The following ALPK1 variants were observed in gnomAD, a reference collection of about 807,000 sequenced individuals.
ALPK1 encodes alpha kinase 1.
ALPK1 carries 110 observed loss-of-function variants against 120.6 expected under a neutral mutation model. That is an observed-to-expected ratio of 0.91 (90% CI 0.78 to 1.07). The LOEUF is 1.07. ALPK1 is among the 50% of genes least tolerant of loss of function. The pLI is 0.00. For synonymous variants in ALPK1, 582 were observed against 560.3 expected (o/e 1.04, Z -0.55); for missense variants, 1,498 against 1,483.9 (o/e 1.01, Z -0.16).
intron 2 of ALPK1, chr4:112,352,950 T>C (rs1730428277): frequency 6.7e-6 from 1 of 149,658 alleles, no homozygotes; most frequent in Admixed American, 6.8e-5. Context: ...TCTCTTTTTC[T>C]TCTTCCTTTC....
chr4:112,319,978 G>A (rs183062244), intron 2 of ALPK1, among the ~76,000 whole-genome samples: 1 of 152,256 alleles, frequency 6.6e-6, no homozygotes, highest in Admixed American at 6.5e-5. Flanking sequence ...ATACAATCAT[G>A]TCATCAGCAA....
At chr4:112,414,425 GAT>G in intron 5 of ALPK1, 2 of 406,322 alleles carry the variant, frequency 4.9e-6, no homozygotes, top group Non-Finnish European at 1.0e-5. Context: ...TGGACAACAT[GAT>G]GAAACCCCAT....
intron 1 of ALPK1, among the ~76,000 whole-genome samples, chr4:112,301,440 C>A (rs559072328): frequency 1.3e-5 from 2 of 152,128 alleles, no homozygotes; most frequent in Admixed American, 6.6e-5. Context: ...CTGTTAGAAG[C>A]GCCCTTACTG....
chr4:112,321,773 A>T (rs1408577195), intron 2 of ALPK1, among the ~76,000 whole-genome samples: 1 of 152,238 alleles, frequency 6.6e-6, no homozygotes, highest in African/African-American at 2.4e-5. Context: ...TGAAATTCAA[A>T]TACGAGTATT....
intron 1 of ALPK1, among the ~76,000 whole-genome samples, chr4:112,313,415 A>C (rs562315968): frequency 2.6e-5 from 4 of 152,224 alleles, no homozygotes; most frequent in African/African-American, 9.6e-5. Flanking sequence ...ATCAACTAAG[A>C]TAAGGAGTAA....
chr4:112,398,288 A>AT (rs1307790992), intron 4 of ALPK1, among the ~76,000 whole-genome samples: 1 of 152,008 alleles, frequency 6.6e-6, no homozygotes, highest in African/African-American at 2.4e-5. Flanking sequence ...ACAGACTTAA[A>AT]TTTTTTTAAT....
At chr4:112,383,462 CT>C (rs1292616540) in intron 4 of ALPK1, 1 of 152,084 alleles carries the variant, frequency 6.6e-6, no homozygotes, top group Non-Finnish European at 1.5e-5. Flanking sequence ...GAAAGACCCC[CT>C]GATCTATAGA....
intron 4 of ALPK1, among the ~76,000 whole-genome samples, chr4:112,402,600 GA>G (rs1253560196): frequency 6.6e-6 from 1 of 152,136 alleles, no homozygotes; most frequent in Non-Finnish European, 1.5e-5. Flanking sequence ...AAACAGATGT[GA>G]AAAAACAACT....
At chr4:112,332,444 T>C (rs1349897270) in intron 2 of ALPK1, among the ~76,000 whole-genome samples, 1 of 152,246 alleles carries the variant, frequency 6.6e-6, no homozygotes, top group African/African-American at 2.4e-5. Flanking sequence ...TTTTCTCTTA[T>C]CCTTAGTCAC....
rs374067163 is a variant in ALPK1, at chr4:112,439,798, C to T, written c.3464C>T (p.Thr1155Ile). 1.3e-5 allele frequency: 21 copies of T among 1,613,192 alleles called. No homozygotes were observed. The highest frequency in any genetic ancestry group is 9.9e-5 in the South Asian group (9 of 90,964). The stretch of plus-strand genomic sequence containing the variant: ...GTGGTGAAAACAGAATACAAAGCCA[C>T]AGAATATGGCTTGGCCTATGGCCAT... ...TKVVKTEYKA[T>I]EYGLAYGHFS... Residue 1155 changes from threonine (T) to isoleucine (I), a missense_variant, in exon 14 of 16, where the codon ACA becomes ATA. Thr to Ile is a moderately conservative substitution (Grantham distance 89). Transcript: ENST00000650871.
intron 1 of ALPK1, among the ~76,000 whole-genome samples, chr4:112,300,106 C>T (rs1218352339): frequency 6.6e-6 from 1 of 152,054 alleles, no homozygotes; most frequent in Non-Finnish European, 1.5e-5. Flanking sequence ...TAATTGCAAG[C>T]ATTCTCATAA....
At chr4:112,321,072 T>C (rs1283242203) in intron 2 of ALPK1, among the ~76,000 whole-genome samples, 4 of 151,966 alleles carry the variant, frequency 2.6e-5, no homozygotes, top group Non-Finnish European at 5.9e-5. Flanking sequence ...AATTTTTTTG[T>C]ATTTTCAGTA....
intron 5 of ALPK1, chr4:112,414,546 T>C: frequency 3.4e-6 from 1 of 293,974 alleles, no homozygotes; most frequent in South Asian, 2.9e-5. Context: ...AGGTGGAAGT[T>C]GCAGTGAGGT....
At chr4:112,437,674 A>T (rs764160649) in intron 12 of ALPK1, among the ~76,000 whole-genome samples, 1 of 152,052 alleles carries the variant, frequency 6.6e-6, no homozygotes, top group African/African-American at 2.4e-5. Flanking sequence ...CCACTATCAG[A>T]TTTCCTTTCT....
intron 3 of ALPK1, among the ~76,000 whole-genome samples, chr4:112,381,798 C>T (rs1203913678): frequency 2.0e-5 from 3 of 152,104 alleles, no homozygotes; most frequent in Non-Finnish European, 2.9e-5. Flanking sequence ...GATTATAGAC[C>T]ATTATAAGTA....
Position 112,427,562 on chromosome 4 carries a change from T to G in ALPK1, c.700-8T>G, listed in dbSNP as rs1734293108. On this transcript the variant is annotated splice_region_variant and splice_polypyrimidine_tract_variant and intron_variant, in intron 8 of 15. Transcript: ENST00000650871. ...CCGATCTGTGACTTCTTTGTGTTTT[T>G]CTTACAGGGCCTCTCCACGTCGCTA... 6.2e-7 allele frequency: 1 copy of G among 1,611,098 alleles called. No homozygotes were observed. Among genetic ancestry groups the G allele is most frequent in the Non-Finnish European group, 8.5e-7 (1 of 1,177,288 alleles).
chr4:112,389,769 C>T (rs1732321551), intron 4 of ALPK1, among the ~76,000 whole-genome samples: 2 of 152,218 alleles, frequency 1.3e-5, no homozygotes, highest in Admixed American at 6.5e-5. Context: ...ACATCTGAAA[C>T]TCATGGTCCC....
chr4:112,382,704 C>G (rs1459258600), intron 4 of ALPK1, 152 bp downstream of exon 4: 15 of 1,105,758 alleles, frequency 1.4e-5, no homozygotes, highest in Non-Finnish European at 1.8e-5. Flanking sequence ...AGGGAAATAG[C>G]TGTTTGAAAA....
chr4:112,407,158 A>G (rs900213474), intron 4 of ALPK1, among the ~76,000 whole-genome samples: 4 of 152,198 alleles, frequency 2.6e-5, no homozygotes, highest in Non-Finnish European at 5.9e-5. Context: ...GGGAGAGTGG[A>G]AAAAGGGGAG....
Sources: allele counts gnomAD v4.1 joint callset (sites outside exome capture counted in the v4.1 genomes callset), GRCh38; gene constraint gnomAD v4.1.1; transcripts MANE v1.5; gene names NCBI Gene and HGNC (gene_info 2026-07-23, HGNC 2026-07-21).